Variants in COL4A1 observed in about 807,000 individuals in gnomAD.
COL4A1 encodes collagen type IV alpha 1 chain.
In COL4A1, 40 loss-of-function variants were observed where a neutral mutation model predicts 216.6. The observed-to-expected ratio is 0.18, with a 90% CI of 0.14 to 0.24. The LOEUF is 0.24. Ranked by LOEUF, COL4A1 falls within the 10% of genes least tolerant of loss-of-function variation. COL4A1 has a pLI of 1.00. For synonymous variants in COL4A1, 839 were observed against 810.7 expected (o/e 1.03, Z -0.59); for missense variants, 1,628 against 2,196.8 (o/e 0.74, Z 5.18).
intron 1 of COL4A1, among the ~76,000 whole-genome samples, chr13:110,244,914 G>A (rs567664161): frequency 3.6e-4 from 55 of 152,302 alleles, no homozygotes; most frequent in Admixed American, 2.0e-3. Context: ...TTCCAGAGTT[G>A]TTAAAACATC....
chr13:110,183,353 T>G lies in COL4A1; in HGVS notation c.1898-77A>C, dbSNP rs1207803196. 3.6e-6 allele frequency: 5 copies of G among 1,386,970 alleles called. No individual in the cohort carries two copies. The East Asian group carries it at 9.6e-5, about 27-fold the overall frequency. The allele number at this position is 1,386,970 out of a possible 1,614,324, so 85.9% of individuals were successfully genotyped here. A position where few individuals can be genotyped will look rare whatever the true frequency, so the allele number is the denominator to read the frequency against. On this transcript the variant is annotated intron_variant, in intron 26 of 51. Coordinates refer to ENST00000375820, the MANE Select transcript of COL4A1 (RefSeq NM_001845.6). ...GAACACAGGGAGGACACGCAGTGGG[T>G]GGGCTGCACGCCACATCCTACCCAG...
At chr13:110,249,353 C>T (rs968400881) in intron 1 of COL4A1, among the ~76,000 whole-genome samples, 3 of 152,050 alleles carry the variant, frequency 2.0e-5, no homozygotes, top group African/African-American at 7.2e-5. Flanking sequence ...GAAAAAGGGA[C>T]GTGCTTAAGC....
intron 1 of COL4A1, among the ~76,000 whole-genome samples, chr13:110,275,397 A>G (rs1883391199): frequency 6.6e-6 from 1 of 152,226 alleles, no homozygotes; most frequent in Admixed American, 6.5e-5. Context: ...CAGAACAGTG[A>G]CAATACTAAG....
chr13:110,164,685 C>A (rs1877251877), intron 46 of COL4A1, among the ~76,000 whole-genome samples, 177 bp downstream of exon 46: 1 of 152,086 alleles, frequency 6.6e-6, no homozygotes, highest in Non-Finnish European at 1.5e-5. Flanking sequence ...TTTTTTAGGT[C>A]CCTTTAAAAA....
rs755082939 is a variant in COL4A1, at chr13:110,211,643, G to C, written c.468+4C>G. 2.2e-5 allele frequency: 36 copies of C among 1,610,974 alleles called. No individual in the cohort carries two copies. The highest frequency in any genetic ancestry group is 1.7e-4 in the Middle Eastern group (1 of 6,036). On this transcript the variant is annotated splice_donor_region_variant and intron_variant, in intron 8 of 51. Coordinates refer to ENST00000375820, the MANE Select transcript of COL4A1 (RefSeq NM_001845.6). The surrounding 1 kb of genome is among the most constrained non-coding windows in gnomAD (Gnocchi z 4.3). ...CCAATAAAGCAAAATAAAATAAAAT[G>C]TACCTTCATCCCTGGTAAGCCTGGT...
At position 110,186,529 on chromosome 13, in the gene COL4A1, G is replaced by A. The variant is rs374223828; in HGVS notation, c.1753C>T (p.Arg585Cys). ...SPGSVGLKGE[R>C]GPPGGVGFPG... ...AATCCAACTCCTCCAGGGGGGCCAC[G>A]CTCTCCTTTCAATCCTACAGAACCC... The change falls in exon 26 of 52, where the codon CGT (arginine) becomes TGT (cysteine). Residue 585 changes from arginine to cysteine, a missense_variant. Arg to Cys is a radical substitution (Grantham distance 180, BLOSUM62 -3). This residue lies in a region of COL4A1 where 701 missense variants were observed against 892.5 expected (regional missense o/e 0.79). Coordinates refer to ENST00000375820, the MANE Select transcript of COL4A1 (RefSeq NM_001845.6). 53 of 1,613,842 alleles carry A rather than the reference G, an allele frequency of 3.3e-5. No homozygotes were observed. The African/African-American group carries it at 3.5e-4, about 11-fold the overall frequency.
intron 4 of COL4A1, among the ~76,000 whole-genome samples, chr13:110,213,543 T>C (rs942814472): frequency 6.6e-6 from 1 of 152,202 alleles, no homozygotes; most frequent in African/African-American, 2.4e-5. Flanking sequence ...GAAAGCAAGT[T>C]TGCAGAACCA....
chr13:110,260,812 G>A (rs1040483045), intron 1 of COL4A1, among the ~76,000 whole-genome samples: 4 of 152,056 alleles, frequency 2.6e-5, no homozygotes, highest in African/African-American at 9.7e-5. Context: ...CACTTTGGGA[G>A]GCCGAGGCAG....
intron 39 of COL4A1, 83 bp from the exon 40 acceptor site, chr13:110,174,081 T>A: frequency 6.9e-7 from 1 of 1,452,836 alleles, no homozygotes; most frequent in Non-Finnish European, 9.6e-7. Flanking sequence ...TTTGCTGACA[T>A]CCTTTAAGGG....
At chr13:110,159,620 A>G (rs887776083) in intron 49 of COL4A1, among the ~76,000 whole-genome samples, 1 of 152,240 alleles carries the variant, frequency 6.6e-6, no homozygotes, top group Admixed American at 6.5e-5. Flanking sequence ...AGAACAATTA[A>G]AAGCAGGCTC....
At chr13:110,168,027 CTT>C (rs112520964) in intron 43 of COL4A1, among the ~76,000 whole-genome samples, 42 of 150,492 alleles carry the variant, frequency 2.8e-4, no homozygotes, top group African/African-American at 9.3e-4. Flanking sequence ...TTTTCTTCCT[CTT>C]TTTTTTTTGA....
intron 2 of COL4A1, among the ~76,000 whole-genome samples, chr13:110,230,383 G>A (rs545871523): frequency 1.3e-5 from 2 of 152,258 alleles, no homozygotes; most frequent in South Asian, 4.1e-4. Flanking sequence ...CACACAGGTG[G>A]CAGGCGCGGG....
intron 1 of COL4A1, among the ~76,000 whole-genome samples, chr13:110,280,242 T>A (rs1279864365): frequency 1.3e-5 from 2 of 152,224 alleles, no homozygotes; most frequent in African/African-American, 4.8e-5. Context: ...GGTCCTTAGT[T>A]TGCTGCGTGT....
At chr13:110,219,902 GTA>G (rs762364701) in intron 2 of COL4A1, among the ~76,000 whole-genome samples, 56 of 108,340 alleles carry the variant, frequency 5.2e-4, no homozygotes, top group East Asian at 2.1e-3. Context: ...GTATATATAT[GTA>G]TATATATGTG....
chr13:110,291,575 T>G (rs1451984172), intron 1 of COL4A1, among the ~76,000 whole-genome samples: 1 of 152,198 alleles, frequency 6.6e-6, no homozygotes, highest in Non-Finnish European at 1.5e-5. Flanking sequence ...GTCAGTTTCC[T>G]TATCACCCAC....
In COL4A1 at chr13:110,183,114, C is replaced by G. The variant is rs767080133; in HGVS notation, c.1991-17G>C. 6.2e-7 allele frequency: 1 copy of G among 1,612,088 alleles called. No individual in the cohort carries two copies. Among genetic ancestry groups the G allele is most frequent in the African/African-American group, 1.3e-5 (1 of 74,902 alleles). Reference sequence around the variant, plus strand: ...CTCGGTCTCCTGTGGTGAGAAAGACCAACAGTCAGCGTGAGAAAAACGTGA... The same window carrying G: ...CTCGGTCTCCTGTGGTGAGAAAGACGAACAGTCAGCGTGAGAAAAACGTGA... On this transcript the variant is annotated splice_polypyrimidine_tract_variant and intron_variant, in intron 27 of 51. Transcript: ENST00000375820.
At chr13:110,246,387 C>G (rs1881813993) in intron 1 of COL4A1, among the ~76,000 whole-genome samples, 2 of 147,630 alleles carry the variant, frequency 1.4e-5, no homozygotes, top group Admixed American at 6.9e-5. Flanking sequence ...ACCCCCTTCA[C>G]TCAGGTGTAA....
chr13:110,263,393 G>A (rs900119573), intron 1 of COL4A1, among the ~76,000 whole-genome samples: 5 of 152,172 alleles, frequency 3.3e-5, no homozygotes, highest in African/African-American at 1.2e-4. Context: ...GCCCCACCAC[G>A]CCCTTACAGA....
At position 110,174,608 on chromosome 13, in the gene COL4A1, G is replaced by A. The variant is rs1566349831; in HGVS notation, c.3325+15C>T. 2 of 1,614,088 alleles carry A rather than the reference G, an allele frequency of 1.2e-6. No individual in the cohort carries two copies. The highest frequency in any genetic ancestry group is 1.7e-6 in the Non-Finnish European group (2 of 1,180,016). Reference sequence around the variant, plus strand: ...CTTAGATTCCCCAAGTCCAAGAGAAGCCCCCCTCACCTACCTGGATAGCCA... The same window carrying A: ...CTTAGATTCCCCAAGTCCAAGAGAAACCCCCCTCACCTACCTGGATAGCCA... On this transcript the variant is annotated intron_variant, in intron 38 of 51. Transcript: ENST00000375820.
Sources: allele counts gnomAD v4.1 joint callset (sites outside exome capture counted in the v4.1 genomes callset), GRCh38; gene constraint gnomAD v4.1.1; regional missense constraint gnomAD v4.1.1; non-coding constraint Gnocchi (gnomAD v3.1); transcripts MANE v1.5; gene names NCBI Gene and HGNC (gene_info 2026-07-23, HGNC 2026-07-21).